CDH18: variants seen among roughly 807,000 people sequenced by gnomAD.
CDH18 encodes the protein cadherin 18, also known as cadherin-18.
CDH18 carries 31 observed loss-of-function variants against 67.9 expected under a neutral mutation model. That is an observed-to-expected ratio of 0.46 (90% CI 0.34 to 0.62). CDH18 has a LOEUF of 0.62. Among genes scored for constraint, CDH18 ranks in the 20% least tolerant of loss-of-function variants. CDH18 has a pLI of 0.01. For synonymous variants in CDH18, 362 were observed against 347.2 expected, an observed-to-expected ratio of 1.04 and a Z score of -0.48; for missense variants, 890 against 975.5, an observed-to-expected ratio of 0.91 and a Z score of 1.17.
chr5:19,559,931 A>G (rs1043628708), intron 8 of CDH18, among the ~76,000 whole-genome samples: 3 of 151,828 alleles, frequency 2.0e-5, no homozygotes, highest in Non-Finnish European at 4.4e-5. Flanking sequence ...CAAACAAAAA[A>G]AAAACTCAGG....
chr5:20,368,924 T>C (rs957215595), intron 1 of CDH18, among the ~76,000 whole-genome samples: 2 of 152,212 alleles, frequency 1.3e-5, no homozygotes, highest in Non-Finnish European at 2.9e-5. Flanking sequence ...TTATGACTCT[T>C]TGAATTTTCA....
chr5:19,917,548 C>G (rs1180907433), intron 2 of CDH18, among the ~76,000 whole-genome samples: 1 of 152,074 alleles, frequency 6.6e-6, no homozygotes, highest in Non-Finnish European at 1.5e-5. Context: ...GCTTAATGGT[C>G]CTGAGATGTG....
At chr5:20,056,481 T>TG in intron 2 of CDH18, among the ~76,000 whole-genome samples, 1 of 116,064 alleles carries the variant, frequency 8.6e-6, no homozygotes, top group Non-Finnish European at 1.7e-5. Flanking sequence ...TTCTTTTGTT[T>TG]TTTTTTTTTT....
chr5:19,743,752 C>G (rs1054912249), intron 4 of CDH18, among the ~76,000 whole-genome samples: 3 of 151,916 alleles, frequency 2.0e-5, no homozygotes, highest in African/African-American at 7.3e-5. Flanking sequence ...AAGACCCCGT[C>G]TCTACTAAAA....
intron 1 of CDH18, among the ~76,000 whole-genome samples, chr5:20,402,864 C>T (rs776271096): frequency 2.6e-4 from 40 of 151,676 alleles, no homozygotes; most frequent in Non-Finnish European, 5.0e-4. Flanking sequence ...GCTGAGATTG[C>T]ACCACTGCAC....
At chr5:20,012,968 A>G (rs774912031) in intron 2 of CDH18, among the ~76,000 whole-genome samples, 3 of 152,048 alleles carry the variant, frequency 2.0e-5, no homozygotes, top group Admixed American at 6.6e-5. Flanking sequence ...GTTATCTAAT[A>G]TATCTTGGTG....
intron 5 of CDH18, among the ~76,000 whole-genome samples, chr5:19,719,903 GAGAAAGAAAGAAAGAAAGAAAGAAAGAA>G (rs35867851): frequency 7.6e-5 from 10 of 130,954 alleles, no homozygotes; most frequent in African/African-American, 1.5e-4. Context: ...AGTTAAGCAA[GAGAAAGAAAGAAAGAAAGAAAGAAAGAA>G]AGAAAGAAAG....
intron 5 of CDH18, among the ~76,000 whole-genome samples, chr5:19,663,863 T>C (rs1309571002): frequency 6.7e-6 from 1 of 149,282 alleles, no homozygotes; most frequent in Admixed American, 6.8e-5. Flanking sequence ...TTGCATAAGA[T>C]ACACTTAAAA....
chr5:20,158,721 A>G (rs1161769004), intron 2 of CDH18: 1 of 169,050 alleles, frequency 5.9e-6, no homozygotes, highest in Non-Finnish European at 1.4e-5. Context: ...AATTTCTGTA[A>G]ATAGATTCCT....
chr5:19,602,324 G>A (rs144626404), intron 6 of CDH18, among the ~76,000 whole-genome samples: 90 of 152,092 alleles, frequency 5.9e-4, no homozygotes, highest in Admixed American at 6.6e-4. Flanking sequence ...AAGCAATTCC[G>A]TTCTTAATAC....
intron 4 of CDH18, among the ~76,000 whole-genome samples, chr5:19,722,776 G>A (rs974381130): frequency 6.6e-6 from 1 of 151,598 alleles, no homozygotes; most frequent in Non-Finnish European, 1.5e-5. Context: ...CTACTAATTT[G>A]GGTTATCTAT....
intron 10 of CDH18, among the ~76,000 whole-genome samples, chr5:19,503,972 T>C (rs1697478206): frequency 6.6e-6 from 1 of 152,116 alleles, no homozygotes; most frequent in Non-Finnish European, 1.5e-5. Flanking sequence ...GTGAAAATAA[T>C]ATTTCCTGTT....
intron 1 of CDH18, among the ~76,000 whole-genome samples, chr5:20,419,382 A>G (rs1371382337): frequency 6.7e-6 from 1 of 149,278 alleles, no homozygotes; most frequent in Non-Finnish European, 1.5e-5. Flanking sequence ...GGGTTCTCTG[A>G]TCTCAGACTT....
chr5:20,391,611 G>T (rs1744868463), intron 1 of CDH18, among the ~76,000 whole-genome samples: 1 of 151,820 alleles, frequency 6.6e-6, no homozygotes, highest in Admixed American at 6.6e-5. Context: ...AGATTTATTT[G>T]CTTTTGATCA....
At chr5:19,690,447 A>G (rs1296356197) in intron 5 of CDH18, among the ~76,000 whole-genome samples, 1 of 151,656 alleles carries the variant, frequency 6.6e-6, no homozygotes. Context: ...GAAATAATAA[A>G]GACCAGAGAA....
intron 3 of CDH18, among the ~76,000 whole-genome samples, chr5:19,815,794 T>C (rs1779227835): frequency 6.6e-6 from 1 of 151,954 alleles, no homozygotes. Flanking sequence ...TTCAGCAAAA[T>C]AGTTTCTCAG....
chr5:20,421,164 A>C (rs1747830040), intron 1 of CDH18, among the ~76,000 whole-genome samples: 1 of 151,054 alleles, frequency 6.6e-6, no homozygotes. Flanking sequence ...TCTGACTGAC[A>C]CAGGATCCCC....
At chr5:19,984,405 G>C (rs893479809) in intron 1 of CDH18, among the ~76,000 whole-genome samples, 1 of 151,828 alleles carries the variant, frequency 6.6e-6, no homozygotes, top group Non-Finnish European at 1.5e-5. Context: ...ATGGAAATAA[G>C]AAAAAAATTG....
intron 1 of CDH18, among the ~76,000 whole-genome samples, chr5:20,508,799 GAAAT>G (rs1754823542): frequency 6.6e-6 from 1 of 151,832 alleles, no homozygotes; most frequent in Admixed American, 6.6e-5. Flanking sequence ...TTATTCTGTA[GAAAT>G]AATATGTAAA....
Sources: allele counts gnomAD v4.1 joint callset (sites outside exome capture counted in the v4.1 genomes callset), GRCh38; gene constraint gnomAD v4.1.1; transcripts MANE v1.5; gene names NCBI Gene and HGNC (gene_info 2026-07-23, HGNC 2026-07-21).